The following PRPF31 variants were observed in gnomAD, a reference collection of about 807,000 sequenced individuals.
PRPF31 encodes pre-mRNA processing factor 31, also known as U4/U6 small nuclear ribonucleoprotein Prp31.
In PRPF31, 12 loss-of-function variants were observed where a neutral mutation model predicts 60.4. The ratio of observed to expected loss-of-function variants is 0.20; its 90% confidence interval spans 0.13 to 0.32. The LOEUF (loss-of-function observed/expected upper bound fraction) is 0.32, where lower values mean the gene tolerates loss of function less well. Among genes scored for constraint, PRPF31 ranks in the 10% least tolerant of loss-of-function variants. The pLI is 1.00. For synonymous variants in PRPF31, 287 were observed against 287.9 expected (o/e 1.00, Z 0.03); for missense variants, 431 against 687.1 (o/e 0.63, Z 4.17).
intron 13 of PRPF31, among the ~76,000 whole-genome samples, chr19:54,130,727 CTT>C (rs1231222047): frequency 6.6e-6 from 1 of 152,054 alleles, no homozygotes; most frequent in Non-Finnish European, 1.5e-5. Context: ...GGGAGGGCCT[CTT>C]TGAGAAGATG....
intron 13 of PRPF31, among the ~76,000 whole-genome samples, chr19:54,130,848 A>G (rs1196085167): frequency 2.0e-5 from 3 of 152,166 alleles, no homozygotes; most frequent in Non-Finnish European, 2.9e-5. Context: ...TTAGAGCCCA[A>G]TGACTGGGTC....
intron 11 of PRPF31, among the ~76,000 whole-genome samples, chr19:54,128,615 C>T (rs1012972218): frequency 1.3e-5 from 2 of 151,964 alleles, no homozygotes; most frequent in African/African-American, 2.4e-5. Context: ...CCCATCGCCC[C>T]GGGCTCCTTG....
chr19:54,116,144 G>T (rs1030662929), intron 1 of PRPF31, among the ~76,000 whole-genome samples: 9 of 150,076 alleles, frequency 6.0e-5, no homozygotes, highest in African/African-American at 9.9e-5. Flanking sequence ...CTCGTGATCC[G>T]CCCGCCTCGG....
At chr19:54,127,945 G>A in intron 9 of PRPF31, 128 bp from the exon 10 acceptor site, 1 of 1,286,332 alleles carries the variant, frequency 7.8e-7, no homozygotes, top group Non-Finnish European at 1.1e-6. Context: ...AAGAAAGGGG[G>A]TGGCGGTGAG....
Position 54,131,515 on chromosome 19 carries a change from C to CT in PRPF31, c.*83_*84insT. The CT allele has an allele frequency of 6.5e-7, 1 of 1,545,140 alleles. No homozygotes were observed. Among genetic ancestry groups the CT allele is most frequent in the Non-Finnish European group, 8.8e-7 (1 of 1,139,608 alleles). On this transcript the variant is annotated 3_prime_UTR_variant, in exon 14 of 14. Transcript: ENST00000321030. ...CTGAAGGGCTAGGATCGGGTTCTGG[C>CT]AGGGAGAACCTGCCCTGCCACTGGC...
At chr19:54,119,793 G>C (rs587635095) in intron 3 of PRPF31, 1 of 152,306 alleles carries the variant, frequency 6.6e-6, no homozygotes, top group East Asian at 1.9e-4. Flanking sequence ...ACTACGCCCA[G>C]CCTTCCCATT....
In PRPF31 at chr19:54,118,561, C is replaced by T; in HGVS notation, c.178-12C>T. On this transcript the variant is annotated splice_polypyrimidine_tract_variant and intron_variant, in intron 2 of 13. Coordinates refer to ENST00000321030, the MANE Select transcript of PRPF31 (RefSeq NM_015629.4). Reference sequence around the variant, plus strand: ...GAGTGCTGGATTCTGACTGTCTTCTCCTTTCCTACAGTTTGCTGAGATTAT... The same window carrying T: ...GAGTGCTGGATTCTGACTGTCTTCTTCTTTCCTACAGTTTGCTGAGATTAT... 6.2e-7 allele frequency: 1 copy of T among 1,614,078 alleles called. No homozygotes were observed. Among genetic ancestry groups the T allele is most frequent in the Non-Finnish European group, 8.5e-7 (1 of 1,179,980 alleles).
intron 7 of PRPF31, 33 bp from the exon 8 acceptor site, chr19:54,124,466 C>T: frequency 6.4e-7 from 1 of 1,562,906 alleles, no homozygotes; most frequent in Non-Finnish European, 8.7e-7. Flanking sequence ...TTTCTTCTGA[C>T]CGCCCCCCCT....
chr19:54,123,671 C>G, intron 6 of PRPF31, 78 bp from the exon 7 acceptor site: 2 of 1,517,318 alleles, frequency 1.3e-6, no homozygotes, highest in Non-Finnish European at 1.8e-6. Context: ...CACACACACA[C>G]ACAGAACCGA....
rs376072327 is a variant in PRPF31, at chr19:54,121,892, C to T, written c.271C>T (p.Arg91Cys). The T allele has an allele frequency of 1.6e-4, 253 of 1,612,592 alleles. No individual in the cohort carries two copies. The highest frequency in any genetic ancestry group is 1.9e-4 in the Non-Finnish European group (229 of 1,179,504). ...ACCAGTGGAGGCCGCGCCTGAATAC[C>T]GCGTCATCGTGGATGCCAACAACCT... is the stretch of plus-strand genomic sequence containing the variant. ...MGPVEAAPEY[R>C]VIVDANNLTV... Residue 91 changes from arginine to cysteine, a missense_variant, in exon 4 of 14, where the codon CGC becomes TGC. Coordinates refer to ENST00000321030, the MANE Select transcript of PRPF31 (RefSeq NM_015629.4).
At chr19:54,130,016 G>A (rs1568601322) in intron 13 of PRPF31, among the ~76,000 whole-genome samples, 1 of 152,142 alleles carries the variant, frequency 6.6e-6, no homozygotes, top group East Asian at 1.9e-4. Flanking sequence ...GTGGCCGGGC[G>A]CAGACAGCTC....
Position 54,123,536 on chromosome 19 carries a change from G to C in PRPF31, c.503G>C (p.Ser168Thr), listed in dbSNP as rs748347424. 1.2e-6 allele frequency: 2 copies of C among 1,614,230 alleles called. No individual in the cohort carries two copies. Among genetic ancestry groups the C allele is most frequent in the South Asian group, 2.2e-5 (2 of 91,090 alleles). ...ILTNATIMVVSVTASTTQGQQ... is the reference protein window; with the variant it reads ...ILTNATIMVVTVTASTTQGQQ... ...ACCAATGCCACCATCATGGTCGTCA[G>C]CGTCACCGCCTCCACCACCCAGGGG... Residue 168 changes from serine to threonine, a missense_variant, in exon 6 of 14, where the codon AGC becomes ACC. Around this residue, in one of 4 missense-constraint regions of PRPF31, gnomAD observed 314 missense variants for 475.3 expected, o/e 0.66. Coordinates refer to ENST00000321030, the MANE Select transcript of PRPF31 (RefSeq NM_015629.4).
intron 5 of PRPF31, 86 bp from the exon 6 acceptor site, chr19:54,123,368 A>C: frequency 9.9e-7 from 1 of 1,007,054 alleles, no homozygotes; most frequent in South Asian, 1.3e-5. Flanking sequence ...GTCCCTAAGA[A>C]GAGACCTGAG....
At chr19:54,122,306 G>A in intron 4 of PRPF31, 191 bp from the exon 5 acceptor site, 4 of 726,852 alleles carry the variant, frequency 5.5e-6, no homozygotes, top group South Asian at 4.4e-5. Flanking sequence ...ACGTTTTACA[G>A]ACCAGAACTA....
In PRPF31 at chr19:54,123,578, G is replaced by A; in HGVS notation, c.527+18G>A. On this transcript the variant is annotated intron_variant, in intron 6 of 13. Coordinates refer to ENST00000321030, the MANE Select transcript of PRPF31 (RefSeq NM_015629.4). ...ACCCAGGGGTATGTCCGCTTCGAGG[G>A]AGGCGCCGGGCCCTAATGGGATTGG... is the stretch of plus-strand genomic sequence containing the variant. The A allele has an allele frequency of 6.2e-7, 1 of 1,612,928 alleles. No individual in the cohort carries two copies. Among genetic ancestry groups the A allele is most frequent in the Non-Finnish European group, 8.5e-7 (1 of 1,178,954 alleles).
chr19:54,117,309 T>C (rs1205834631), intron 1 of PRPF31, among the ~76,000 whole-genome samples: 1 of 152,138 alleles, frequency 6.6e-6, no homozygotes. Flanking sequence ...CTAATGTCTT[T>C]AGAAGACCAT....
rs1444917497 is a variant in PRPF31, at chr19:54,129,191, G to T, written c.1275+6G>T. On this transcript the variant is annotated splice_donor_region_variant and intron_variant, in intron 12 of 13. Coordinates refer to ENST00000321030, the MANE Select transcript of PRPF31 (RefSeq NM_015629.4). ...GGATCTCCAAGACGCTGCAGGTATG[G>T]GCCAGACCCAGGTGGGGCTGGGGAC... The T allele has an allele frequency of 1.3e-6, 2 of 1,591,436 alleles. No homozygotes were observed. Among genetic ancestry groups the T allele is most frequent in the Non-Finnish European group, 1.7e-6 (2 of 1,169,370 alleles).
chr19:54,127,936 A>C, intron 9 of PRPF31, 137 bp from the exon 10 acceptor site: 1 of 1,240,770 alleles, frequency 8.1e-7, no homozygotes, highest in Non-Finnish European at 1.1e-6. Flanking sequence ...AAGAAGAAAA[A>C]GAAAGGGGGT....
Position 54,124,674 on chromosome 19 carries a change from T to C in PRPF31, c.855+18T>C, listed in dbSNP as rs762445736. The stretch of plus-strand genomic sequence containing the variant: ...TGCCACCGGTGAGCCCACTGCGTCA[T>C]GGCCCCTCCCCCGGCCCCCCTGGAG... On this transcript the variant is annotated intron_variant, in intron 8 of 13. Transcript: ENST00000321030. 3.7e-6 allele frequency: 6 copies of C among 1,610,702 alleles called. No homozygotes were observed. Among genetic ancestry groups the C allele is most frequent in the East Asian group, 2.2e-5 (1 of 44,866 alleles).
Sources: allele counts gnomAD v4.1 joint callset (sites outside exome capture counted in the v4.1 genomes callset), GRCh38; gene constraint gnomAD v4.1.1; regional missense constraint gnomAD v4.1.1; transcripts MANE v1.5; gene names NCBI Gene and HGNC (gene_info 2026-07-23, HGNC 2026-07-21).